The following FAM178B variants were observed in gnomAD, a reference collection of about 807,000 sequenced individuals.
The protein encoded by FAM178B is family with sequence similarity 178 member B, also known as protein FAM178B.
A neutral mutation model predicts 91.7 loss-of-function variants in FAM178B; 82 were observed. The observed-to-expected ratio is 0.89, with a 90% CI of 0.75 to 1.07. The LOEUF is 1.07. Among genes scored for constraint, FAM178B ranks in the 50% least tolerant of loss-of-function variants. The pLI is 0.00. For missense variants in FAM178B, 769 were observed against 846.7 expected (o/e 0.91, Z 1.14); for synonymous variants, 368 against 359.4 (o/e 1.02, Z -0.27).
chr2:96,940,457 T>A (rs2081709542), intron 8 of FAM178B, among the ~76,000 whole-genome samples: 1 of 152,178 alleles, frequency 6.6e-6, no homozygotes, highest in South Asian at 2.1e-4. Context: ...CCTAATAAGA[T>A]GGTGAAGAAC....
chr2:96,905,610 T>C (rs1307591800), intron 12 of FAM178B, among the ~76,000 whole-genome samples: 3 of 139,800 alleles, frequency 2.1e-5, no homozygotes, highest in Admixed American at 1.4e-4. Context: ...GGAAGGGAGA[T>C]AGGATTGCTA....
chr2:96,886,890 G>C (rs2314652), intron 14 of FAM178B, among the ~76,000 whole-genome samples: 63,819 of 151,944 alleles, frequency 0.42, 14,818 homozygotes, highest in South Asian at 0.73. Flanking sequence ...CCACCGTGTC[G>C]TGTTAACACC....
At chr2:96,982,311 C>G (rs975539495) in intron 1 of FAM178B, among the ~76,000 whole-genome samples, 1 of 151,980 alleles carries the variant, frequency 6.6e-6, no homozygotes, top group Non-Finnish European at 1.5e-5. Flanking sequence ...GTCACCCAGG[C>G]TGGAGTATAA....
chr2:96,969,643 T>C (rs923064068), intron 4 of FAM178B, among the ~76,000 whole-genome samples: 2 of 152,176 alleles, frequency 1.3e-5, no homozygotes, highest in African/African-American at 4.8e-5. Flanking sequence ...GTCTACTAAA[T>C]GTACATCACC....
Position 96,967,527 on chromosome 2 carries a change from C to T in FAM178B, c.727G>A (p.Glu243Lys), listed in dbSNP as rs750130354. 6.5e-6 allele frequency: 10 copies of T among 1,546,398 alleles called. No homozygotes were observed. The highest frequency in any genetic ancestry group is 2.4e-5 in the East Asian group (1 of 40,920). Reference protein sequence around the residue: ...LDEEEVPLTPEHRMLVEKYSV... With the variant: ...LDEEEVPLTPKHRMLVEKYSV... ...CAGGCCCCTGCCCCTCACCTGTGCT[C>T]GGGTGTGAGTGGCACTTCCTCTTCA... The change falls in exon 5 of 17, where the codon GAG becomes AAG. Residue 243 changes from glutamate to lysine, a missense_variant. Coordinates refer to ENST00000490605, the MANE Select transcript of FAM178B (RefSeq NM_001122646.3).
intron 7 of FAM178B, among the ~76,000 whole-genome samples, chr2:96,948,953 C>G (rs375488757): frequency 2.6e-5 from 4 of 152,216 alleles, no homozygotes; most frequent in South Asian, 2.1e-4. Flanking sequence ...CACGCCCCCC[C>G]CAGTAAGCCT....
intron 14 of FAM178B, among the ~76,000 whole-genome samples, chr2:96,892,644 C>T (rs2080710918): frequency 1.3e-5 from 2 of 152,200 alleles, no homozygotes; most frequent in African/African-American, 4.8e-5. Context: ...GCAGGAATCA[C>T]ACCTCTGCTA....
chr2:96,945,266 C>T (rs745805692), intron 8 of FAM178B, among the ~76,000 whole-genome samples: 3 of 152,146 alleles, frequency 2.0e-5, no homozygotes, highest in African/African-American at 4.8e-5. Flanking sequence ...TCTCCGTTAC[C>T]GCCCCACCCC....
rs973019578 is a variant in FAM178B, at chr2:96,967,563, A to T, written c.691T>A (p.Leu231Met). The change falls in exon 5 of 17, where the codon TTG becomes ATG. Residue 231 changes from leucine to methionine, a missense_variant. Coordinates refer to ENST00000490605, the MANE Select transcript of FAM178B (RefSeq NM_001122646.3). ...LLQECLNLNSLDLDEEEVPLT... is the reference protein window; with the variant it reads ...LLQECLNLNSMDLDEEEVPLT... ...GGCACTTCCTCTTCATCAAGATCCA[A>T]GGAGTTGAGATTGAGACACTCCTGC... 3.2e-6 allele frequency: 5 copies of T among 1,550,636 alleles called. No individual in the cohort carries two copies. The highest frequency in any genetic ancestry group is 1.7e-4 in the Middle Eastern group (1 of 6,012).
intron 1 of FAM178B, among the ~76,000 whole-genome samples, chr2:96,975,204 A>G (rs1028562537): frequency 2.0e-5 from 3 of 152,044 alleles, no homozygotes; most frequent in Admixed American, 6.6e-5. Flanking sequence ...CCAGAGTTCT[A>G]CTGTATAACA....
rs373072333 is a variant in FAM178B, at chr2:96,985,509, GTTTTT to G, written c.73+727_73+731del. Reference sequence around the variant, plus strand: ...AGTGAGATTTCAACATGTCATCTCAGTTTTTTTGTTCTTTTACTTTCCTGACTACA... The same window carrying G: ...AGTGAGATTTCAACATGTCATCTCAGTTGTTCTTTTACTTTCCTGACTACA... On this transcript the variant is annotated intron_variant, in intron 1 of 16. Coordinates refer to ENST00000490605, the MANE Select transcript of FAM178B (RefSeq NM_001122646.3). Among the ~76,000 whole-genome samples the G allele has an allele frequency of 2.6e-3, 401 of 152,252 alleles. 17 individuals are homozygous for G. In the East Asian group the frequency reaches 0.045, roughly 17 times the overall value.
chr2:96,911,090 C>A (rs913713823), intron 12 of FAM178B, among the ~76,000 whole-genome samples: 1 of 151,894 alleles, frequency 6.6e-6, no homozygotes, highest in Non-Finnish European at 1.5e-5. Context: ...TTTTTAAGTT[C>A]TACCTCTTTA....
At chr2:96,920,724 C>T (rs1022142638) in intron 12 of FAM178B, among the ~76,000 whole-genome samples, 1 of 152,170 alleles carries the variant, frequency 6.6e-6, no homozygotes, top group Admixed American at 6.5e-5. Context: ...TCGAGGAAAG[C>T]CACAGCCATA....
intron 8 of FAM178B, among the ~76,000 whole-genome samples, chr2:96,936,232 C>T (rs898895545): frequency 2.0e-5 from 3 of 152,048 alleles, no homozygotes; most frequent in South Asian, 2.1e-4. Context: ...GACGGAGTCT[C>T]GCTCTGTTGC....
intron 5 of FAM178B, among the ~76,000 whole-genome samples, chr2:96,966,438 A>G (rs1403682105): frequency 6.6e-6 from 1 of 152,120 alleles, no homozygotes; most frequent in Non-Finnish European, 1.5e-5. Context: ...CTTTCTCAGG[A>G]GCCCTTGCAG....
At chr2:96,893,776 A>G (rs985257331) in intron 14 of FAM178B, 150 bp downstream of exon 14, 19 of 976,962 alleles carry the variant, frequency 1.9e-5, no homozygotes, top group African/African-American at 5.0e-5. Flanking sequence ...TGCTCAACAC[A>G]GGGAGGCAGC....
intron 14 of FAM178B, among the ~76,000 whole-genome samples, chr2:96,891,017 G>A (rs906811370): frequency 1.3e-5 from 2 of 152,184 alleles, no homozygotes; most frequent in Non-Finnish European, 1.5e-5. Flanking sequence ...TGCTAAAAAC[G>A]TTATCAGCTC....
At chr2:96,922,728 G>A (rs1227772112) in intron 10 of FAM178B, among the ~76,000 whole-genome samples, 1 of 151,104 alleles carries the variant, frequency 6.6e-6, no homozygotes, top group Non-Finnish European at 1.5e-5. Flanking sequence ...TTTTGAGATG[G>A]AGTTTCTCTC....
At chr2:96,976,363 G>C (rs2082288604) in intron 1 of FAM178B, among the ~76,000 whole-genome samples, 1 of 151,780 alleles carries the variant, frequency 6.6e-6, no homozygotes, top group Admixed American at 6.6e-5. Flanking sequence ...AAAGTGCTGG[G>C]ATTACAGGCG....
Sources: allele counts gnomAD v4.1 joint callset (sites outside exome capture counted in the v4.1 genomes callset), GRCh38; gene constraint gnomAD v4.1.1; transcripts MANE v1.5; gene names NCBI Gene and HGNC (gene_info 2026-07-23, HGNC 2026-07-21).